The following KRABD5 variants were observed in gnomAD, a reference collection of about 807,000 sequenced individuals.
The protein encoded by KRABD5 is KRAB domain containing 5.
At chr16:31,713,855 G>A in the KRABD5 span, among the ~76,000 whole-genome samples, 2 of 152,236 alleles carry the variant, frequency 1.3e-5, no homozygotes, top group Admixed American at 1.3e-4. Flanking sequence ...TAGGTAAACA[G>A]CGATTGGTGA....
At chr16:31,754,212 A>T in the KRABD5 span, 1 of 669,080 alleles carries the variant, frequency 1.5e-6, no homozygotes, top group Non-Finnish European at 2.7e-6. Context: ...GGAGAGATTT[A>T]AAAACGAGGA....
At chr16:31,752,269 G>T in the KRABD5 span, among the ~76,000 whole-genome samples, 3 of 152,146 alleles carry the variant, frequency 2.0e-5, no homozygotes, top group Non-Finnish European at 2.9e-5. Context: ...TGTCTATTAG[G>T]TCCAGTTGGT....
At chr16:31,736,948 G>T in the KRABD5 span, among the ~76,000 whole-genome samples, 1 of 151,844 alleles carries the variant, frequency 6.6e-6, no homozygotes, top group Admixed American at 6.6e-5. Flanking sequence ...TAAGTTTATT[G>T]CTGGGTATGT....
chr16:31,713,605 C>A, the KRABD5 span: 7 of 1,002,342 alleles, frequency 7.0e-6, no homozygotes, highest in Non-Finnish European at 1.0e-5. Flanking sequence ...GCCGGGACCC[C>A]GCGCGTCCGG....
chr16:31,727,243 C>T, the KRABD5 span, among the ~76,000 whole-genome samples: 3 of 152,188 alleles, frequency 2.0e-5, no homozygotes, highest in Admixed American at 6.5e-5. Context: ...TACAATTCTT[C>T]GTTGCTGATA....
chr16:31,728,968 C>T, the KRABD5 span, among the ~76,000 whole-genome samples: 1 of 152,154 alleles, frequency 6.6e-6, no homozygotes, highest in African/African-American at 2.4e-5. Flanking sequence ...GTGTTGGGTG[C>T]ATATATCTAT....
chr16:31,755,057 G>A, the KRABD5 span: 12 of 478,234 alleles, frequency 2.5e-5, no homozygotes, highest in Non-Finnish European at 4.7e-5. Context: ...CAAATGTAAA[G>A]AATGTGGTAA....
At chr16:31,751,595 A>G in the KRABD5 span, among the ~76,000 whole-genome samples, 1 of 152,172 alleles carries the variant, frequency 6.6e-6, no homozygotes, top group African/African-American at 2.4e-5. Flanking sequence ...TCTTTTGTAT[A>G]CCTGTGGGAT....
At chr16:31,741,975 G>A in the KRABD5 span, among the ~76,000 whole-genome samples, 3 of 152,072 alleles carry the variant, frequency 2.0e-5, no homozygotes, top group Admixed American at 2.0e-4. Context: ...ATGGTGAAAT[G>A]TAGGCGTCTA....
At chr16:31,754,171 G>C in the KRABD5 span, 2 of 692,622 alleles carry the variant, frequency 2.9e-6, no homozygotes, top group Non-Finnish European at 5.2e-6. Context: ...TATAGAACTG[G>C]AGTAAATGTT....
chr16:31,727,441 C>T, the KRABD5 span, among the ~76,000 whole-genome samples: 1 of 152,174 alleles, frequency 6.6e-6, no homozygotes, highest in Non-Finnish European at 1.5e-5. Context: ...TCCTGTGGAG[C>T]GAGGCTACCC....
chr16:31,730,184 C>T, the KRABD5 span, among the ~76,000 whole-genome samples: 3 of 151,194 alleles, frequency 2.0e-5, no homozygotes, highest in East Asian at 1.9e-4. Context: ...TCCCTTTAGT[C>T]GTTTAGCATT....
the KRABD5 span, among the ~76,000 whole-genome samples, chr16:31,744,405 T>C: frequency 2.0e-5 from 3 of 152,248 alleles, no homozygotes; most frequent in Non-Finnish European, 1.5e-5. Context: ...TCTTTGGTTC[T>C]GTTTATATGA....
At chr16:31,727,920 G>A in the KRABD5 span, among the ~76,000 whole-genome samples, 2 of 152,080 alleles carry the variant, frequency 1.3e-5, no homozygotes, top group Non-Finnish European at 2.9e-5. Context: ...AAAGTGCAGT[G>A]GCATGATCAT....
chr16:31,731,737 A>G, the KRABD5 span, among the ~76,000 whole-genome samples: 2 of 152,216 alleles, frequency 1.3e-5, no homozygotes, highest in Admixed American at 1.3e-4. Context: ...CTCCAGGGGC[A>G]CAGATGTGTG....
the KRABD5 span, among the ~76,000 whole-genome samples, chr16:31,749,523 G>A: frequency 1.3e-5 from 2 of 152,240 alleles, no homozygotes; most frequent in Non-Finnish European, 2.9e-5. Flanking sequence ...GATTCCAGCT[G>A]AGAGGCTGTT....
the KRABD5 span, chr16:31,753,946 G>A: frequency 6.5e-7 from 1 of 1,549,626 alleles, no homozygotes; most frequent in Non-Finnish European, 8.7e-7. Context: ...CATACAAAAT[G>A]TAAGACAACT....
the KRABD5 span, among the ~76,000 whole-genome samples, chr16:31,731,732 G>A: frequency 2.0e-5 from 3 of 152,200 alleles, no homozygotes; most frequent in Admixed American, 6.5e-5. Flanking sequence ...TCTAGCTCCA[G>A]GGGCACAGAT....
chr16:31,716,992 T>C, the KRABD5 span, among the ~76,000 whole-genome samples: 4 of 128,912 alleles, frequency 3.1e-5, no homozygotes, highest in African/African-American at 1.2e-4. Flanking sequence ...TGTCAGTCAG[T>C]CTTTGTTTTT....
Sources: gnomAD v4.1 joint callset for allele counts (sites outside exome capture counted in the v4.1 genomes callset) on GRCh38, gnomAD v4.1.1 for gene constraint, MANE v1.5 for transcripts, NCBI Gene and HGNC (gene_info 2026-07-23, HGNC 2026-07-21) for gene names.